Variants in NKAIN3 observed in about 807,000 individuals in gnomAD.
NKAIN3 encodes the protein sodium/potassium transporting ATPase interacting 3, also known as sodium/potassium-transporting ATPase subunit beta-1-interacting protein 3.
Under a neutral mutation model 30.2 loss-of-function variants are expected in NKAIN3, and 25 were observed. The ratio of observed to expected loss-of-function variants is 0.83; its 90% CI spans 0.60 to 1.16. The LOEUF (loss-of-function observed/expected upper bound fraction) is 1.16. Ranked by LOEUF, NKAIN3 falls within the 50% of genes most tolerant of loss-of-function variation. The pLI is 0.00. For synonymous variants in NKAIN3, 91 were observed against 89.6 expected (o/e 1.02, Z -0.09); for missense variants, 225 against 254.1 (o/e 0.89, Z 0.78).
At chr8:62,990,089 G>T in intron 5 of NKAIN3, 1 of 720,224 alleles carries the variant, frequency 1.4e-6, no homozygotes, top group Non-Finnish European at 2.3e-6. Context: ...AATTTTGTTT[G>T]ATTCAGCAAA....
At chr8:62,321,639 C>G (rs1814915659) in intron 1 of NKAIN3, among the ~76,000 whole-genome samples, 1 of 152,244 alleles carries the variant, frequency 6.6e-6, no homozygotes, top group Admixed American at 6.5e-5. Context: ...GGCTGCAGAA[C>G]AGCAGATATT....
chr8:62,342,438 G>A lies in NKAIN3; in HGVS notation c.54+93311G>A, dbSNP rs183490267. Reference sequence around the variant, plus strand: ...GTATCCTTTTGAATACAGATTATATGTACAAAGACCAATGCAATAGAAACC... The same window carrying A: ...GTATCCTTTTGAATACAGATTATATATACAAAGACCAATGCAATAGAAACC... On this transcript the variant is annotated intron_variant, in intron 1 of 6. Transcript: ENST00000623646. Among the ~76,000 whole-genome samples the A allele has an allele frequency of 3.7e-3, 556 of 152,106 alleles. 5 individuals are homozygous for A. The highest frequency in any genetic ancestry group is 0.013 in the African/African-American group (540 of 41,532).
At chr8:62,471,611 G>A (rs535823597) in intron 1 of NKAIN3, among the ~76,000 whole-genome samples, 1 of 152,230 alleles carries the variant, frequency 6.6e-6, no homozygotes, top group Non-Finnish European at 1.5e-5. Context: ...TCAAATTTCA[G>A]CTAGTAATAG....
At chr8:62,281,227 C>A (rs907677827) in intron 1 of NKAIN3, among the ~76,000 whole-genome samples, 3 of 151,790 alleles carry the variant, frequency 2.0e-5, no homozygotes, top group Non-Finnish European at 2.9e-5. Context: ...ATATCCCCCT[C>A]TATCATTTTT....
intron 1 of NKAIN3, among the ~76,000 whole-genome samples, chr8:62,430,407 G>GT (rs1563395690): frequency 7.6e-5 from 11 of 144,640 alleles, no homozygotes; most frequent in South Asian, 2.2e-4. Context: ...GTGTGTGTGT[G>GT]GATGGGTGTG....
At chr8:62,749,383 C>T (rs548641677) in intron 4 of NKAIN3, among the ~76,000 whole-genome samples, 1 of 152,270 alleles carries the variant, frequency 6.6e-6, no homozygotes, top group African/African-American at 2.4e-5. Flanking sequence ...TGAATTTCTC[C>T]ACGTGTTATT....
At chr8:62,345,296 CATATATATGTAT>C (rs1585704356) in intron 1 of NKAIN3, among the ~76,000 whole-genome samples, 2 of 140,730 alleles carry the variant, frequency 1.4e-5, no homozygotes, top group East Asian at 2.0e-4. Flanking sequence ...CATATACACA[CATATATATGTAT>C]ATATACACAC....
At chr8:62,438,300 C>T (rs1402542922) in intron 1 of NKAIN3, among the ~76,000 whole-genome samples, 1 of 152,176 alleles carries the variant, frequency 6.6e-6, no homozygotes, top group Non-Finnish European at 1.5e-5. Context: ...AGAATAAAAT[C>T]AATCTTTGCT....
At position 62,984,304 on chromosome 8, in the gene NKAIN3, G is replaced by A. The variant is rs1442396962; in HGVS notation, c.*18897G>A. On this transcript the variant is annotated 3_prime_UTR_variant, in exon 7 of 7. Coordinates refer to ENST00000623646, the MANE Select transcript of NKAIN3 (RefSeq NM_001304533.3). ...TATATTTCAAAGGCACAGGTTGCTG[G>A]TAAGAGGGACAGAAAGACAAGAACA... is the stretch of plus-strand genomic sequence containing the variant. The A allele has an allele frequency of 6.6e-6, 1 of 152,184 alleles. No individual in the cohort carries two copies. The highest frequency in any genetic ancestry group is 6.5e-5 in the Admixed American group (1 of 15,282). The allele number at this position is 152,184 out of a possible 1,614,324, so 9.4% of individuals were successfully genotyped here. A position where few individuals can be genotyped will look rare whatever the true frequency, so the allele number is the denominator to read the frequency against.
At position 62,436,367 on chromosome 8, in the gene NKAIN3, A is replaced by G. The variant is rs552163317; in HGVS notation, c.55-143172A>G. On this transcript the variant is annotated intron_variant, in intron 1 of 6. Transcript: ENST00000623646. ...CTGAAATCAGGGCTGAAAATTATAC[A>G]TGAAGCTATTTTTTAAGAAAACTCT... Among the ~76,000 whole-genome samples the G allele has an allele frequency of 4.1e-4, 63 of 152,274 alleles. 1 individual carries two copies. In the South Asian group the frequency reaches 0.013, roughly 31 times the overall value.
intron 3 of NKAIN3, among the ~76,000 whole-genome samples, chr8:62,661,752 C>T (rs555679852): frequency 2.1e-4 from 32 of 152,284 alleles, no homozygotes; most frequent in African/African-American, 7.0e-4. Flanking sequence ...CCTTGCTGTC[C>T]TCTGGCTGGT....
At chr8:62,289,949 GT>G (rs1382815893) in intron 1 of NKAIN3, among the ~76,000 whole-genome samples, 1 of 152,050 alleles carries the variant, frequency 6.6e-6, no homozygotes, top group Non-Finnish European at 1.5e-5. Context: ...CCTTGAAGAG[GT>G]CCTTCACATC....
chr8:62,809,892 T>A (rs1001273721), intron 4 of NKAIN3, among the ~76,000 whole-genome samples: 9 of 152,104 alleles, frequency 5.9e-5, no homozygotes, highest in African/African-American at 2.2e-4. Context: ...GCCTCTAGAG[T>A]CAATATTATG....
At chr8:62,334,438 A>G (rs895441009) in intron 1 of NKAIN3, among the ~76,000 whole-genome samples, 2 of 152,022 alleles carry the variant, frequency 1.3e-5, no homozygotes, top group Non-Finnish European at 2.9e-5. Context: ...TTCCCACACT[A>G]TATAAGGACA....
chr8:62,745,581 A>G (rs1429027162), intron 3 of NKAIN3, among the ~76,000 whole-genome samples: 1 of 152,088 alleles, frequency 6.6e-6, no homozygotes. Context: ...TTTTCAATCT[A>G]TTGTTTATGA....
chr8:62,786,998 C>G (rs1290944373), intron 4 of NKAIN3, among the ~76,000 whole-genome samples: 1 of 152,126 alleles, frequency 6.6e-6, no homozygotes, highest in Non-Finnish European at 1.5e-5. Flanking sequence ...GCAGATTTAA[C>G]TTTGAATGGT....
intron 5 of NKAIN3, among the ~76,000 whole-genome samples, chr8:62,928,023 G>GA (rs1190356337): frequency 1.3e-5 from 2 of 152,002 alleles, no homozygotes; most frequent in African/African-American, 4.8e-5. Context: ...GGCATATATG[G>GA]AACACTCATC....
chr8:62,580,819 G>A (rs1430080083), intron 2 of NKAIN3, among the ~76,000 whole-genome samples: 1 of 151,584 alleles, frequency 6.6e-6, no homozygotes, highest in Non-Finnish European at 1.5e-5. Flanking sequence ...AACCAGGTAC[G>A]GTGGCTCACA....
intron 1 of NKAIN3, among the ~76,000 whole-genome samples, chr8:62,559,173 G>C (rs957337245): frequency 6.6e-5 from 10 of 151,920 alleles, no homozygotes; most frequent in Admixed American, 1.3e-4. Flanking sequence ...ATGGGATCTA[G>C]TTGTTTGATT....
Sources: allele counts gnomAD v4.1 joint callset (sites outside exome capture counted in the v4.1 genomes callset), GRCh38; gene constraint gnomAD v4.1.1; transcripts MANE v1.5; gene names NCBI Gene and HGNC (gene_info 2026-07-23, HGNC 2026-07-21).